Variants in CHRM1 observed in about 807,000 individuals in gnomAD.
CHRM1 encodes the protein cholinergic receptor muscarinic 1, also known as muscarinic acetylcholine receptor M1.
In CHRM1, 5 loss-of-function variants were observed where a neutral mutation model predicts 31.6. The observed-to-expected ratio is 0.16, with a 90% CI of 0.08 to 0.33. The LOEUF (loss-of-function observed/expected upper bound fraction) is 0.33, where lower values mean the gene tolerates loss of function less well. Ranked by LOEUF, CHRM1 falls within the 10% of genes least tolerant of loss-of-function variation. CHRM1 has a pLI of 1.00. For synonymous variants in CHRM1, 227 were observed against 249.7 expected (o/e 0.91, Z 0.86); for missense variants, 338 against 610.3 (o/e 0.55, Z 4.70).
intron 1 of CHRM1, among the ~76,000 whole-genome samples, chr11:62,918,796 G>A (rs1304599103): frequency 6.6e-6 from 1 of 152,178 alleles, no homozygotes; most frequent in Non-Finnish European, 1.5e-5. Context: ...GAGCAACTGG[G>A]AGTGGAGAGA....
rs1209678031 is a variant in CHRM1, at chr11:62,909,209, G to GCC, written c.*507_*508dup. 1.2e-5 allele frequency: 2 copies of GCC among 167,750 alleles called. No homozygotes were observed. The highest frequency in any genetic ancestry group is 4.8e-5 in the African/African-American group (2 of 41,586). The allele number at this position is 167,750 out of a possible 1,614,324, so 10.4% of individuals were successfully genotyped here. A position where few individuals can be genotyped will look rare whatever the true frequency, so the allele number is the denominator to read the frequency against. ...GACAATCCTGGAGAGTATGCCTAGG[G>GCC]CCCAGGTGGGCGGGCTCTGCCTATG... On this transcript the variant is annotated 3_prime_UTR_variant, in exon 2 of 2. Transcript: ENST00000306960.
Position 62,910,684 on chromosome 11 carries a change from G to C in CHRM1, c.417C>G (p.Pro139=). 6.2e-7 allele frequency: 1 copy of C among 1,614,138 alleles called. No homozygotes were observed. Among genetic ancestry groups the C allele is most frequent in the East Asian group, 2.2e-5 (1 of 44,882 alleles). The change falls in exon 2 of 2, where the codon CCC becomes CCG. Residue 139 remains proline, a synonymous_variant. Transcript: ENST00000306960. The surrounding 1 kb of genome is among the most constrained non-coding windows in gnomAD (Gnocchi z 8.7). Reference sequence around the variant, plus strand: ...GGCCGATCATCAGAGCTGCCCGGCGGGGTGTGCGCTTGGCACGGTAGCTCA... The same window carrying C: ...GGCCGATCATCAGAGCTGCCCGGCGCGGTGTGCGCTTGGCACGGTAGCTCA... ...RPLSYRAKRT[P]RRAALMIGLA...
intron 1 of CHRM1, among the ~76,000 whole-genome samples, chr11:62,913,462 G>A (rs761608408): frequency 1.3e-5 from 2 of 152,028 alleles, no homozygotes; most frequent in Non-Finnish European, 2.9e-5. Context: ...ACCTGAGGTC[G>A]GGAGTTCAAG....
chr11:62,915,162 G>A (rs1590651279), intron 1 of CHRM1, among the ~76,000 whole-genome samples: 1 of 116,928 alleles, frequency 8.6e-6, no homozygotes, highest in East Asian at 2.9e-4. Flanking sequence ...GTGACAGAGT[G>A]AGACCCTGTC....
At chr11:62,912,095 G>A (rs373801171) in intron 1 of CHRM1, among the ~76,000 whole-genome samples, 23 of 152,210 alleles carry the variant, frequency 1.5e-4, no homozygotes, top group African/African-American at 4.8e-4. Flanking sequence ...GCAGGCCGGC[G>A]TGGTGGCTCA....
Position 62,909,628 on chromosome 11 carries a change from C to A in CHRM1, c.*90G>T. The A allele has an allele frequency of 6.7e-7, 1 of 1,494,088 alleles. No homozygotes were observed. 92.6% of individuals were successfully genotyped at this position (1,494,088 alleles called of 1,614,324 possible). ...CCTGGGAAGCCAGGTGAGGCCTGAG[C>A]AGGGCCCTGGGGCTGAGGATGCAGC... On this transcript the variant is annotated 3_prime_UTR_variant, in exon 2 of 2. Transcript: ENST00000306960.
intron 1 of CHRM1, among the ~76,000 whole-genome samples, chr11:62,912,386 C>A (rs1162255590): frequency 3.6e-5 from 5 of 139,846 alleles, no homozygotes; most frequent in African/African-American, 7.7e-5. Context: ...AAAAAAAAAA[C>A]CAAAAGGAAA....
chr11:62,909,477 G>A lies in CHRM1; in HGVS notation c.*241C>T, dbSNP rs2085855294. ...CCTCCCGGGCCTTCTTCCTGGTGAA[G>A]AGCGCATTCCCACCCAGCAGGGAAC... On this transcript the variant is annotated 3_prime_UTR_variant, in exon 2 of 2. Coordinates refer to ENST00000306960, the MANE Select transcript of CHRM1 (RefSeq NM_000738.3). 3.7e-6 allele frequency: 2 copies of A among 544,388 alleles called. No individual in the cohort carries two copies. The highest frequency in any genetic ancestry group is 3.8e-5 in the African/African-American group (2 of 53,116). 33.7% of individuals were successfully genotyped at this position (544,388 alleles called of 1,614,324 possible).
Position 62,911,705 on chromosome 11 carries a change from T to C in CHRM1, c.-78-527A>G, listed in dbSNP as rs1272833733. Among the ~76,000 whole-genome samples, 3 of 152,346 alleles carry C rather than the reference T, an allele frequency of 2.0e-5. No homozygotes were observed. The East Asian group carries it at 5.8e-4, about 29-fold the overall frequency. ...TGAGGGAACTGTGGCTCTGAGCAGC[T>C]GCAAGCCTTGGCCATGGTGACAGAG... is the stretch of plus-strand genomic sequence containing the variant. On this transcript the variant is annotated intron_variant, in intron 1 of 1. Transcript: ENST00000306960.
At chr11:62,911,209 GC>G in intron 1 of CHRM1, 31 bp from the exon 2 acceptor site, 1 of 1,046,304 alleles carries the variant, frequency 9.6e-7, no homozygotes, top group Non-Finnish European at 1.4e-6. Flanking sequence ...CTTTGGTTGG[GC>G]CACTGGACAT....
chr11:62,913,873 C>T (rs1340549210), intron 1 of CHRM1, among the ~76,000 whole-genome samples: 1 of 151,056 alleles, frequency 6.6e-6, no homozygotes, highest in Non-Finnish European at 1.5e-5. Context: ...GAGATGGAGT[C>T]TCGCTCTGTC....
chr11:62,910,320 G>T lies in CHRM1; in HGVS notation c.781C>A (p.Arg261Ser). Reference sequence around the variant, plus strand: ...AGCAGCCTGGGGGCCCGGCAGCAGCGACAGCAGCGGCCTGGAGGAGTCTCT... The same window carrying T: ...AGCAGCCTGGGGGCCCGGCAGCAGCTACAGCAGCGGCCTGGAGGAGTCTCT... The part of the protein sequence containing the change: ...SPETPPGRCC[R>S]CCRAPRLLQA... The change falls in exon 2 of 2, where the codon CGC becomes AGC. Residue 261 changes from arginine to serine, a missense_variant. Arg to Ser is a moderately radical substitution (Grantham distance 110, BLOSUM62 -1). Around this residue, in one of 4 missense-constraint regions of CHRM1, gnomAD observed 183 missense variants for 223.4 expected, o/e 0.82. Transcript: ENST00000306960. This position sits in a 1 kb window ranked among gnomAD's most constrained non-coding sequence, Gnocchi z 8.7. 2 of 1,610,936 alleles carry T rather than the reference G, an allele frequency of 1.2e-6. No individual in the cohort carries two copies. Among genetic ancestry groups the T allele is most frequent in the South Asian group, 1.1e-5 (1 of 91,064 alleles).
chr11:62,915,499 AT>A (rs1319188218), intron 1 of CHRM1, among the ~76,000 whole-genome samples: 1 of 152,148 alleles, frequency 6.6e-6, no homozygotes, highest in Non-Finnish European at 1.5e-5. Context: ...GTGGGCTGGA[AT>A]TTGCTATTTG....
intron 1 of CHRM1, among the ~76,000 whole-genome samples, chr11:62,916,106 G>A (rs907124325): frequency 2.0e-5 from 3 of 152,102 alleles, no homozygotes; most frequent in Non-Finnish European, 2.9e-5. Context: ...CACAGCACCC[G>A]GCCCTGTTGT....
rs1395811910 is a variant in CHRM1 at position 62,910,054 on chromosome 11, C to A, written c.1047G>T (p.Leu349=). Residue 349 remains leucine (L), a synonymous_variant, in exon 2 of 2, where the codon CTG becomes CTT. Transcript: ENST00000306960. This position sits in a 1 kb window ranked among gnomAD's most constrained non-coding sequence, Gnocchi z 8.7. ...KGQKPRGKEQ[L]AKRKTFSLVK... ...CCAGCGAGAAGGTCTTCCGCTTGGC[C>A]AGCTGCTCCTTTCCACGGGGCTTCT... The A allele has an allele frequency of 6.2e-7, 1 of 1,613,480 alleles. No individual in the cohort carries two copies. The highest frequency in any genetic ancestry group is 1.3e-5 in the African/African-American group (1 of 74,936).
intron 1 of CHRM1, among the ~76,000 whole-genome samples, chr11:62,918,530 T>C (rs940821666): frequency 5.3e-5 from 8 of 151,950 alleles, no homozygotes; most frequent in Admixed American, 2.6e-4. Context: ...CTGGAGAGCA[T>C]AGGAGAAAAA....
In CHRM1 at chr11:62,910,387, G is replaced by A; in HGVS notation, c.714C>T (p.Ser238=). The A allele has an allele frequency of 6.2e-7, 1 of 1,610,950 alleles. No homozygotes were observed. The highest frequency in any genetic ancestry group is 8.5e-7 in the Non-Finnish European group (1 of 1,180,014). The part of the protein sequence containing the change: ...SETPGKGGGS[S]SSSERSQPGA... ...CTGGCTGAGACCTCTCTGAGCTGCT[G>A]CTGCTGCCACCCCCTTTGCCTGGCG... is the stretch of plus-strand genomic sequence containing the variant. The change falls in exon 2 of 2, where the codon AGC becomes AGT. Residue 238 remains serine, a synonymous_variant. Coordinates refer to ENST00000306960, the MANE Select transcript of CHRM1 (RefSeq NM_000738.3). The surrounding 1 kb of genome is among the most constrained non-coding windows in gnomAD (Gnocchi z 8.7).
chr11:62,921,152 C>T (rs555282944), intron 1 of CHRM1, 66 bp downstream of exon 1: 1 of 152,660 alleles, frequency 6.6e-6, no homozygotes, highest in Admixed American at 6.5e-5. Context: ...CCCTCCCCCG[C>T]TCCCCAGGAC....
chr11:62,919,320 C>T (rs533347076), intron 1 of CHRM1, among the ~76,000 whole-genome samples: 54 of 152,296 alleles, frequency 3.5e-4, no homozygotes, highest in Middle Eastern at 3.4e-3. Flanking sequence ...GCCAACTAGT[C>T]TTGTGGAGGG....
Sources: gnomAD v4.1 joint callset for allele counts (sites outside exome capture counted in the v4.1 genomes callset) on GRCh38, gnomAD v4.1.1 for gene constraint, gnomAD v4.1.1 regional missense constraint, Gnocchi (gnomAD v3.1) non-coding constraint, MANE v1.5 for transcripts, NCBI Gene and HGNC (gene_info 2026-07-23, HGNC 2026-07-21) for gene names.